Variants in APBA1 observed in about 807,000 individuals in gnomAD.
APBA1 encodes the protein amyloid-beta A4 precursor protein-binding family A member 1.
Under a neutral mutation model 86.6 loss-of-function variants are expected in APBA1, and 55 were observed. That is an observed-to-expected ratio of 0.64 (90% CI 0.51 to 0.80). The LOEUF (loss-of-function observed/expected upper bound fraction) is 0.80. APBA1 is among the 30% of genes least tolerant of loss of function. The pLI is 0.00. For synonymous variants in APBA1, 511 were observed against 493.9 expected, an observed-to-expected ratio of 1.03 and a Z score of -0.46; for missense variants, 1,090 against 1,183.0, an observed-to-expected ratio of 0.92 and a Z score of 1.15.
Position 69,456,425 on chromosome 9 carries a change from A to T in APBA1, c.1610T>A (p.Met537Lys). The T allele has an allele frequency of 6.3e-7, 1 of 1,595,864 alleles. No individual in the cohort carries two copies. The highest frequency in any genetic ancestry group is 8.5e-7 in the Non-Finnish European group (1 of 1,169,652). ...KVLNADTQET[M>K]MDHPLRTISY... is the part of the protein sequence containing the mutation. ...AATGGTCCTCAGAGGGTGGTCCATC[A>T]TTGTCTCCTGGAGGCAGGAAGAGAG... Residue 537 changes from methionine to lysine, a missense_variant, in exon 8 of 13, where the codon ATG becomes AAG. By Grantham distance (95) the Met-to-Lys change is moderately conservative (BLOSUM62 -1). Around this residue, in one of 6 missense-constraint regions of APBA1, gnomAD observed 103 missense variants for 91.9 expected, o/e 1.12. Transcript: ENST00000265381.
At chr9:69,443,813 C>T (rs942932066) in intron 10 of APBA1, among the ~76,000 whole-genome samples, 3 of 152,152 alleles carry the variant, frequency 2.0e-5, no homozygotes, top group Non-Finnish European at 2.9e-5. Flanking sequence ...CCATAATGCC[C>T]CATATACACA....
intron 1 of APBA1, among the ~76,000 whole-genome samples, chr9:69,627,856 T>C (rs901945032): frequency 2.0e-5 from 3 of 152,034 alleles, no homozygotes; most frequent in Admixed American, 2.0e-4. Flanking sequence ...TATTAAAAGG[T>C]GTGATGCAAC....
intron 2 of APBA1, among the ~76,000 whole-genome samples, chr9:69,512,350 C>T (rs1268885723): frequency 1.3e-5 from 2 of 152,066 alleles, no homozygotes; most frequent in Non-Finnish European, 2.9e-5. Flanking sequence ...AAACAAATGC[C>T]AGTTTGCTCC....
chr9:69,632,977 C>T (rs973600121), intron 1 of APBA1, among the ~76,000 whole-genome samples: 2 of 151,928 alleles, frequency 1.3e-5, no homozygotes, highest in African/African-American at 2.4e-5. Flanking sequence ...AGCTCCCCCC[C>T]TGCTGGGTCA....
intron 9 of APBA1, among the ~76,000 whole-genome samples, chr9:69,450,833 A>G (rs1564033692): frequency 6.6e-6 from 1 of 151,948 alleles, no homozygotes; most frequent in African/African-American, 2.4e-5. Context: ...CAAAAAAAAA[A>G]AGAGGAAATT....
At chr9:69,536,586 G>T (rs551501178) in intron 1 of APBA1, among the ~76,000 whole-genome samples, 1 of 151,208 alleles carries the variant, frequency 6.6e-6, no homozygotes, top group African/African-American at 2.4e-5. Flanking sequence ...ATTCACATAG[G>T]CTGGGTGCAG....
intron 2 of APBA1, among the ~76,000 whole-genome samples, chr9:69,493,893 C>T (rs927217986): frequency 1.1e-4 from 17 of 152,110 alleles, no homozygotes; most frequent in Non-Finnish European, 2.5e-4. Context: ...CACCAATGTA[C>T]ATTGTTTCCC....
intron 1 of APBA1, among the ~76,000 whole-genome samples, chr9:69,559,375 A>G (rs1836914171): frequency 6.6e-6 from 1 of 152,194 alleles, no homozygotes; most frequent in South Asian, 2.1e-4. Context: ...CATTTCCATC[A>G]CACTCTCATG....
Position 69,495,974 on chromosome 9 carries a change from C to T in APBA1, c.1201-19831G>A, listed in dbSNP as rs895985962. On this transcript the variant is annotated intron_variant, in intron 2 of 12. Coordinates refer to ENST00000265381, the MANE Select transcript of APBA1 (RefSeq NM_001163.4). Reference sequence around the variant, plus strand: ...CTGAATAAGGGGTATGGCAAGCCAGCGACACCAACACAGAAAAGGGCTGCC... The same window carrying T: ...CTGAATAAGGGGTATGGCAAGCCAGTGACACCAACACAGAAAAGGGCTGCC... Among the ~76,000 whole-genome samples, 18 of 152,162 alleles carry T rather than the reference C, an allele frequency of 1.2e-4. No homozygotes were observed. In the East Asian group the frequency reaches 1.4e-3, roughly 11 times the overall value.
At chr9:69,573,690 C>T (rs1211741515) in intron 1 of APBA1, among the ~76,000 whole-genome samples, 3 of 152,280 alleles carry the variant, frequency 2.0e-5, no homozygotes, top group East Asian at 1.9e-4. Flanking sequence ...GGTATTCTTG[C>T]GAAGAGCTTC....
At chr9:69,633,727 T>C (rs755639340) in intron 1 of APBA1, among the ~76,000 whole-genome samples, 1 of 152,146 alleles carries the variant, frequency 6.6e-6, no homozygotes, top group Admixed American at 6.5e-5. Flanking sequence ...ATACTACTGC[T>C]CCTTTTCTAA....
chr9:69,522,120 G>A (rs1376580872), intron 1 of APBA1, among the ~76,000 whole-genome samples: 4 of 151,342 alleles, frequency 2.6e-5, no homozygotes, highest in South Asian at 2.1e-4. Flanking sequence ...ATGTGTGTGT[G>A]TATATATATA....
intron 1 of APBA1, among the ~76,000 whole-genome samples, chr9:69,639,745 T>C (rs560340177): frequency 1.3e-5 from 2 of 152,342 alleles, no homozygotes; most frequent in Non-Finnish European, 2.9e-5. Flanking sequence ...CTTGCTAGTA[T>C]AAATTATATG....
chr9:69,531,579 T>C (rs1478832957), intron 1 of APBA1, among the ~76,000 whole-genome samples: 2 of 152,184 alleles, frequency 1.3e-5, no homozygotes, highest in Non-Finnish European at 2.9e-5. Flanking sequence ...TTTTGCCTTA[T>C]GTGTCCCACA....
In APBA1 at chr9:69,512,678, AT is replaced by A. The variant is rs988277474; in HGVS notation, c.1200+3332del. On this transcript the variant is annotated intron_variant, in intron 2 of 12. Coordinates refer to ENST00000265381, the MANE Select transcript of APBA1 (RefSeq NM_001163.4). The stretch of plus-strand genomic sequence containing the variant: ...CATGGGGAAAGTGCCCAGATAATAC[AT>A]TTTTTCCTTTAAATCAGTAGTTCTC... Among the ~76,000 whole-genome samples the A allele has an allele frequency of 8.3e-4, 126 of 152,266 alleles. 1 individual carries two copies. Among genetic ancestry groups the A allele is most frequent in the African/African-American group, 2.9e-3 (120 of 41,564 alleles).
chr9:69,452,289 C>T lies in APBA1; in HGVS notation c.1801G>A (p.Ala601Thr). Residue 601 changes from alanine to threonine, a missense_variant, in exon 9 of 13, where the codon GCA becomes ACA. Transcript: ENST00000265381. ...VFESEDAQLIAQSIGQAFSVA... is the reference protein window; with the variant it reads ...VFESEDAQLITQSIGQAFSVA... ...CTAAATGCCTGTCCGATGGACTGTG[C>T]AATCAGCTGAGCCTGGAACAGCAGC... is the stretch of plus-strand genomic sequence containing the variant. 1 of 1,614,082 alleles carries T rather than the reference C, an allele frequency of 6.2e-7. No individual in the cohort carries two copies. The highest frequency in any genetic ancestry group is 8.5e-7 in the Non-Finnish European group (1 of 1,179,980).
At chr9:69,658,292 C>T (rs13302643) in intron 1 of APBA1, among the ~76,000 whole-genome samples, 273 of 17,750 alleles carry the variant, frequency 0.015, 7 homozygotes, top group Non-Finnish European at 0.02. Flanking sequence ...TTCTCTCTCT[C>T]TTTCTCTCTC....
chr9:69,651,600 C>T (rs1028791839), intron 1 of APBA1, among the ~76,000 whole-genome samples: 4 of 152,086 alleles, frequency 2.6e-5, no homozygotes. Context: ...CTTAGCCTCC[C>T]AAGTAGCTGG....
chr9:69,432,319 AG>A (rs1226862247), intron 12 of APBA1, among the ~76,000 whole-genome samples: 2 of 152,240 alleles, frequency 1.3e-5, no homozygotes, highest in Admixed American at 6.5e-5. Flanking sequence ...GAGAAGGCTG[AG>A]GGTGATCTGA....
Sources: allele counts gnomAD v4.1 joint callset (sites outside exome capture counted in the v4.1 genomes callset), GRCh38; gene constraint gnomAD v4.1.1; regional missense constraint gnomAD v4.1.1; transcripts MANE v1.5; gene names NCBI Gene and HGNC (gene_info 2026-07-23, HGNC 2026-07-21).